PPM1E: variants seen among roughly 807,000 people sequenced by gnomAD.
PPM1E encodes the protein protein phosphatase, Mg2+/Mn2+ dependent 1E.
PPM1E carries 20 observed loss-of-function variants against 65.9 expected under a neutral mutation model. That is an observed-to-expected ratio of 0.30 (90% CI 0.21 to 0.44). PPM1E has a LOEUF of 0.44. Ranked by LOEUF, PPM1E falls within the 20% of genes least tolerant of loss-of-function variation. The pLI, the probability that PPM1E is intolerant of heterozygous loss-of-function variation, is 1.00. For synonymous variants in PPM1E, 352 were observed against 374.9 expected (o/e 0.94, Z 0.70); for missense variants, 713 against 953.1 (o/e 0.75, Z 3.32).
At chr17:58,894,636 C>G (rs1278352108) in intron 1 of PPM1E, among the ~76,000 whole-genome samples, 1 of 152,076 alleles carries the variant, frequency 6.6e-6, no homozygotes, top group Non-Finnish European at 1.5e-5. Context: ...CCTTCAGGAG[C>G]TTCATTGATC....
chr17:58,905,675 T>C (rs1237864697), intron 1 of PPM1E, among the ~76,000 whole-genome samples: 1 of 152,154 alleles, frequency 6.6e-6, no homozygotes, highest in East Asian at 1.9e-4. Context: ...GTAGTTTTTT[T>C]TTCTTGTAAC....
intron 1 of PPM1E, among the ~76,000 whole-genome samples, chr17:58,897,242 G>A (rs537416287): frequency 1.0e-3 from 157 of 151,956 alleles, no homozygotes; most frequent in Admixed American, 2.2e-3. Flanking sequence ...GTGAAACCCC[G>A]TATTTACTAA....
intron 1 of PPM1E, among the ~76,000 whole-genome samples, chr17:58,763,504 T>C (rs1399050316): frequency 1.3e-5 from 2 of 152,156 alleles, no homozygotes; most frequent in Admixed American, 6.6e-5. Flanking sequence ...CTCTACACTA[T>C]GGACAAAGAG....
At chr17:58,953,938 G>T (rs975968120) in intron 1 of PPM1E, among the ~76,000 whole-genome samples, 1 of 152,094 alleles carries the variant, frequency 6.6e-6, no homozygotes, top group Non-Finnish European at 1.5e-5. Context: ...TAGAGACGGG[G>T]TTTCACCATG....
intron 1 of PPM1E, among the ~76,000 whole-genome samples, chr17:58,909,089 CT>C (rs899527613): frequency 2.3e-4 from 35 of 150,878 alleles, no homozygotes; most frequent in African/African-American, 7.3e-4. Context: ...CTTTTGTGCC[CT>C]TTTTTTTTAT....
At chr17:58,884,862 A>G (rs1567863955) in intron 1 of PPM1E, among the ~76,000 whole-genome samples, 1 of 150,302 alleles carries the variant, frequency 6.7e-6, no homozygotes, top group Non-Finnish European at 1.5e-5. Flanking sequence ...ACCCTTAATG[A>G]ATATTCATTA....
chr17:58,799,467 G>A (rs1034463699), intron 1 of PPM1E, among the ~76,000 whole-genome samples: 1 of 148,490 alleles, frequency 6.7e-6, no homozygotes, highest in African/African-American at 2.5e-5. Context: ...TTTTGAAATG[G>A]AGTCTTGCTC....
chr17:58,843,828 TCAAAA>T (rs763845790), intron 1 of PPM1E, among the ~76,000 whole-genome samples: 14 of 152,142 alleles, frequency 9.2e-5, no homozygotes, highest in Middle Eastern at 3.4e-3. Context: ...AGACCCTGTC[TCAAAA>T]CAAAACAAAA....
At chr17:58,892,814 A>G (rs1370476484) in intron 1 of PPM1E, among the ~76,000 whole-genome samples, 1 of 152,236 alleles carries the variant, frequency 6.6e-6, no homozygotes, top group Non-Finnish European at 1.5e-5. Context: ...AGAAGTACAG[A>G]CACTTTACCA....
chr17:58,768,836 A>G (rs2049907939), intron 1 of PPM1E, among the ~76,000 whole-genome samples: 1 of 151,998 alleles, frequency 6.6e-6, no homozygotes, highest in Non-Finnish European at 1.5e-5. Context: ...TGTCTGGCTA[A>G]TTTTGTATTT....
At chr17:58,818,065 T>G (rs2050444600) in intron 1 of PPM1E, among the ~76,000 whole-genome samples, 1 of 152,168 alleles carries the variant, frequency 6.6e-6, no homozygotes, top group South Asian at 2.1e-4. Flanking sequence ...TAAAGTTAAA[T>G]CTGTACTGTC....
At chr17:58,964,082 G>T (rs2030134960) in intron 2 of PPM1E, among the ~76,000 whole-genome samples, 1 of 152,174 alleles carries the variant, frequency 6.6e-6, no homozygotes, top group African/African-American at 2.4e-5. Context: ...TGAGAATCAA[G>T]TTGGGAGTCC....
chr17:58,776,417 C>T (rs374254534), intron 1 of PPM1E, among the ~76,000 whole-genome samples: 5 of 152,078 alleles, frequency 3.3e-5, no homozygotes, highest in Admixed American at 6.6e-5. Flanking sequence ...TGGATTCTTA[C>T]GACAAAATCT....
intron 1 of PPM1E, among the ~76,000 whole-genome samples, chr17:58,897,026 G>A (rs1412151043): frequency 1.3e-5 from 2 of 152,090 alleles, no homozygotes; most frequent in African/African-American, 4.8e-5. Context: ...GAACTGAAAG[G>A]CCTGGATGAC....
At chr17:58,757,487 T>A (rs1397901074) in intron 1 of PPM1E, among the ~76,000 whole-genome samples, 3 of 152,224 alleles carry the variant, frequency 2.0e-5, no homozygotes, top group African/African-American at 7.2e-5. Flanking sequence ...TTGGTAAACC[T>A]GGGAAGTCTT....
At position 58,980,568 on chromosome 17, in the gene PPM1E, T is replaced by G. The variant is rs1010509355; in HGVS notation, c.1805T>G (p.Leu602Arg). Residue 602 changes from leucine to arginine, a missense_variant, in exon 7 of 7, where the codon CTT becomes CGT. Physicochemically the swap from Leu to Arg is moderately radical, Grantham distance 102. Coordinates refer to ENST00000308249, the MANE Select transcript of PPM1E (RefSeq NM_014906.5). The surrounding 1 kb of genome is among the most constrained non-coding windows in gnomAD (Gnocchi z 4.7). ...CCTGGTGCACCAAAGAAAGCAAATC[T>G]TATTAATGAGTTAATGATGGAGAAA... Reference protein sequence around the residue: ...FGPGAPKKANLINELMMEKKS... With the variant: ...FGPGAPKKANRINELMMEKKS... 1 of 1,613,904 alleles carries G rather than the reference T, an allele frequency of 6.2e-7. No homozygotes were observed. Among genetic ancestry groups the G allele is most frequent in the Non-Finnish European group, 8.5e-7 (1 of 1,179,756 alleles).
At chr17:58,972,002 A>G in intron 4 of PPM1E, 130 bp from the exon 5 acceptor site, 1 of 828,268 alleles carries the variant, frequency 1.2e-6, no homozygotes, top group East Asian at 2.7e-5. Flanking sequence ...ATGAATTATT[A>G]TATATGTGTG....
rs756283353 is a variant in PPM1E at position 58,972,123 on chromosome 17, T to G, written c.973-9T>G. On this transcript the variant is annotated splice_polypyrimidine_tract_variant and intron_variant, in intron 4 of 6. Coordinates refer to ENST00000308249, the MANE Select transcript of PPM1E (RefSeq NM_014906.5). ...TCACTGAGTCTAGTTTTATTTAAACTGTTTTCAGAGCTTAAGATGTGGGAC... is the reference window on the plus strand; with the variant it reads ...TCACTGAGTCTAGTTTTATTTAAACGGTTTTCAGAGCTTAAGATGTGGGAC... 32 of 1,607,290 alleles carry G rather than the reference T, an allele frequency of 2.0e-5. 2 individuals are homozygous for G. In the South Asian group the frequency reaches 3.3e-4, roughly 17 times the overall value.
At chr17:58,773,122 A>G (rs1281651798) in intron 1 of PPM1E, among the ~76,000 whole-genome samples, 2 of 152,144 alleles carry the variant, frequency 1.3e-5, no homozygotes, top group Non-Finnish European at 2.9e-5. Context: ...GTAAAAGGAT[A>G]AGTATGTTTC....
Sources: gnomAD v4.1 joint callset for allele counts (sites outside exome capture counted in the v4.1 genomes callset) on GRCh38, gnomAD v4.1.1 for gene constraint, Gnocchi (gnomAD v3.1) non-coding constraint, MANE v1.5 for transcripts, NCBI Gene and HGNC (gene_info 2026-07-23, HGNC 2026-07-21) for gene names.